The following NKAIN2 variants were observed in gnomAD, a reference collection of about 807,000 sequenced individuals.
NKAIN2 encodes sodium/potassium transporting ATPase interacting 2.
A neutral mutation model predicts 32.6 loss-of-function variants in NKAIN2; 14 were observed. The observed-to-expected ratio is 0.43, with a 90% CI of 0.28 to 0.67. NKAIN2 has a LOEUF of 0.67. NKAIN2 is among the 30% of genes least tolerant of loss of function. NKAIN2 has a pLI of 0.17. For missense variants in NKAIN2, 198 were observed against 258.3 expected (o/e 0.77, Z 1.60); for synonymous variants, 80 against 87.2 (o/e 0.92, Z 0.46).
rs192475725 is a variant in NKAIN2 at position 124,811,819 on chromosome 6, T to C, written c.536-6568T>C. On this transcript the variant is annotated intron_variant, in intron 5 of 6. Transcript: ENST00000368417. ...ATGCACATGTCCAAACTTATCAAAT[T>C]GCACACATTAAATATGTGCAGTGTT... Among the ~76,000 whole-genome samples the C allele has an allele frequency of 4.9e-4, 74 of 152,290 alleles. No homozygotes were observed. In the East Asian group the frequency reaches 0.013, roughly 27 times the overall value.
At chr6:124,421,764 T>G (rs1774761417) in intron 3 of NKAIN2, among the ~76,000 whole-genome samples, 1 of 152,132 alleles carries the variant, frequency 6.6e-6, no homozygotes, top group South Asian at 2.1e-4. Context: ...TATTAAGGTT[T>G]GTACAGATTC....
At chr6:124,551,232 T>G (rs1583426388) in intron 3 of NKAIN2, among the ~76,000 whole-genome samples, 1 of 152,340 alleles carries the variant, frequency 6.6e-6, no homozygotes, top group East Asian at 1.9e-4. Context: ...GAAATGGTGT[T>G]AGCATTATTA....
At chr6:123,919,201 T>C (rs1775632132) in intron 1 of NKAIN2, among the ~76,000 whole-genome samples, 6 of 152,162 alleles carry the variant, frequency 3.9e-5, no homozygotes. Flanking sequence ...CAGTAACATA[T>C]ATCATAAACA....
chr6:124,130,423 T>C (rs2115004824), intron 1 of NKAIN2, among the ~76,000 whole-genome samples: 1 of 152,298 alleles, frequency 6.6e-6, no homozygotes, highest in African/African-American at 2.4e-5. Context: ...TGCCCCTAAT[T>C]AATGTTTTTC....
At position 124,824,114 on chromosome 6, in the gene NKAIN2, A is replaced by T. The variant is rs1487116493; in HGVS notation, c.*885A>T. 1.3e-5 allele frequency: 2 copies of T among 152,320 alleles called. No homozygotes were observed. The highest frequency in any genetic ancestry group is 2.9e-5 in the Non-Finnish European group (2 of 68,028). 9.4% of individuals were successfully genotyped at this position (152,320 alleles called of 1,614,324 possible). ...AGTAAAACATTAATCTACTAAACTC[A>T]CTAATCTACTGGAAGCAGAAAGCAG... On this transcript the variant is annotated 3_prime_UTR_variant, in exon 7 of 7. Coordinates refer to ENST00000368417, the MANE Select transcript of NKAIN2 (RefSeq NM_001040214.3).
chr6:124,811,883 A>G (rs1217682227), intron 5 of NKAIN2, among the ~76,000 whole-genome samples: 1 of 152,190 alleles, frequency 6.6e-6, no homozygotes, highest in Non-Finnish European at 1.5e-5. Context: ...TCTTAAAAAA[A>G]AAATCCTGAG....
At chr6:124,049,017 A>G (rs1782271210) in intron 1 of NKAIN2, among the ~76,000 whole-genome samples, 1 of 152,038 alleles carries the variant, frequency 6.6e-6, no homozygotes, top group Non-Finnish European at 1.5e-5. Context: ...TTTAGACTCT[A>G]GATGTATTAT....
At chr6:123,971,712 C>G (rs558779538) in intron 1 of NKAIN2, among the ~76,000 whole-genome samples, 1 of 152,286 alleles carries the variant, frequency 6.6e-6, no homozygotes, top group South Asian at 2.1e-4. Context: ...ATTTTCTTAT[C>G]AGCTGTCTTC....
At chr6:124,753,538 C>T (rs1390736239) in intron 4 of NKAIN2, among the ~76,000 whole-genome samples, 1 of 152,062 alleles carries the variant, frequency 6.6e-6, no homozygotes, top group Admixed American at 6.6e-5. Flanking sequence ...GGTTCATATG[C>T]ATGGACCACA....
intron 3 of NKAIN2, among the ~76,000 whole-genome samples, chr6:124,561,999 A>G (rs1030196542): frequency 6.6e-6 from 1 of 152,196 alleles, no homozygotes; most frequent in Admixed American, 6.5e-5. Flanking sequence ...AGCGTCTGTC[A>G]TTGTGGAGAA....
At chr6:124,351,029 A>G (rs1411089057) in intron 2 of NKAIN2, among the ~76,000 whole-genome samples, 1 of 152,202 alleles carries the variant, frequency 6.6e-6, no homozygotes, top group African/African-American at 2.4e-5. Flanking sequence ...TTAAAAAAGT[A>G]ACTCATAAAA....
chr6:124,453,523 G>A (rs529544059), intron 3 of NKAIN2, among the ~76,000 whole-genome samples: 3 of 152,036 alleles, frequency 2.0e-5, no homozygotes, highest in African/African-American at 7.2e-5. Flanking sequence ...AAAAAAGTGA[G>A]GAACCATTTT....
chr6:124,228,534 G>A (rs1382918326), intron 1 of NKAIN2, among the ~76,000 whole-genome samples: 1 of 152,064 alleles, frequency 6.6e-6, no homozygotes, highest in African/African-American at 2.4e-5. Flanking sequence ...ATCACACTGG[G>A]GGTTAGGGAT....
chr6:124,505,430 GT>G (rs1199140618), intron 3 of NKAIN2, among the ~76,000 whole-genome samples: 1 of 152,138 alleles, frequency 6.6e-6, no homozygotes, highest in Non-Finnish European at 1.5e-5. Context: ...ATCTAAATGC[GT>G]TTTAACTCCA....
At chr6:123,861,199 A>G (rs562605433) in intron 1 of NKAIN2, among the ~76,000 whole-genome samples, 1 of 152,352 alleles carries the variant, frequency 6.6e-6, no homozygotes, top group Non-Finnish European at 1.5e-5. Flanking sequence ...CTTGTAATAA[A>G]TACTTCTAAT....
intron 1 of NKAIN2, among the ~76,000 whole-genome samples, chr6:123,890,070 G>A (rs1008272787): frequency 1.3e-5 from 2 of 151,958 alleles, no homozygotes; most frequent in Non-Finnish European, 2.9e-5. Flanking sequence ...GAAGTCCCCT[G>A]CAATGGTCAC....
At chr6:123,978,246 G>A (rs750071182) in intron 1 of NKAIN2, among the ~76,000 whole-genome samples, 8 of 152,118 alleles carry the variant, frequency 5.3e-5, no homozygotes, top group African/African-American at 9.7e-5. Context: ...AAAGTGAGAC[G>A]TCTCAGAGGA....
intron 3 of NKAIN2, among the ~76,000 whole-genome samples, chr6:124,447,949 T>A (rs1468873914): frequency 6.6e-6 from 1 of 152,044 alleles, no homozygotes; most frequent in Non-Finnish European, 1.5e-5. Context: ...TTCCATCGTA[T>A]GATGTGTGAA....
At chr6:123,936,025 T>C (rs1776490966) in intron 1 of NKAIN2, among the ~76,000 whole-genome samples, 1 of 152,186 alleles carries the variant, frequency 6.6e-6, no homozygotes, top group Non-Finnish European at 1.5e-5. Flanking sequence ...GAAAGCCTAG[T>C]GTGACAGTGA....
Sources: allele counts gnomAD v4.1 joint callset (sites outside exome capture counted in the v4.1 genomes callset), GRCh38; gene constraint gnomAD v4.1.1; transcripts MANE v1.5; gene names NCBI Gene and HGNC (gene_info 2026-07-23, HGNC 2026-07-21).